The following AKAP6 variants were observed in gnomAD, a reference collection of about 807,000 sequenced individuals.
AKAP6 encodes the protein A-kinase anchoring protein 6, also known as A-kinase anchor protein 6.
A neutral mutation model predicts 188.5 loss-of-function variants in AKAP6; 58 were observed. The observed-to-expected ratio is 0.31, with a 90% CI of 0.25 to 0.38. The LOEUF is 0.38. Among genes scored for constraint, AKAP6 ranks in the 10% least tolerant of loss-of-function variants. The pLI is 1.00. For synonymous variants in AKAP6, 989 were observed against 998.6 expected, an observed-to-expected ratio of 0.99 and a Z score of 0.18; for missense variants, 2,710 against 2,740.0, an observed-to-expected ratio of 0.99 and a Z score of 0.24.
At chr14:32,660,476 A>G (rs1888640962) in intron 7 of AKAP6, among the ~76,000 whole-genome samples, 1 of 152,116 alleles carries the variant, frequency 6.6e-6, no homozygotes, top group South Asian at 2.1e-4. Flanking sequence ...CCTGGAAAGA[A>G]ACTTCAATGT....
Position 32,821,412 on chromosome 14 carries a change from A to G in AKAP6, c.3599A>G (p.Asn1200Ser), listed in dbSNP as rs2034514399. 3.1e-6 allele frequency: 5 copies of G among 1,603,034 alleles called. No individual in the cohort carries two copies. In the African/African-American group the frequency reaches 6.7e-5, roughly 22 times the overall value. Residue 1200 changes from asparagine (N) to serine (S), a missense_variant, in exon 13 of 14, where the codon AAT becomes AGT. Around this residue, in one of 2 missense-constraint regions of AKAP6, gnomAD observed 2,473 missense variants for 2,426.1 expected, o/e 1.02. Transcript: ENST00000280979. ...CTTTCTCTCACACAGGAGACTTTGA[A>G]TGTGATTGATCCTGGCTTGATGGAC... ...KKMGKESETL[N>S]VIDPGLMDLN...
At chr14:32,611,731 G>A (rs1886359695) in intron 7 of AKAP6, among the ~76,000 whole-genome samples, 1 of 152,126 alleles carries the variant, frequency 6.6e-6, no homozygotes, top group South Asian at 2.1e-4. Flanking sequence ...TGGTATTATA[G>A]CAGGTCAAAG....
At chr14:32,593,101 G>T (rs1885557653) in intron 5 of AKAP6, among the ~76,000 whole-genome samples, 1 of 149,172 alleles carries the variant, frequency 6.7e-6, no homozygotes, top group South Asian at 2.1e-4. Context: ...TGTCTATCTT[G>T]TTTATAGCCA....
At chr14:32,374,436 G>T (rs1391417828) in intron 1 of AKAP6, among the ~76,000 whole-genome samples, 5 of 152,166 alleles carry the variant, frequency 3.3e-5, no homozygotes, top group African/African-American at 1.2e-4. Flanking sequence ...AAGATAGAAG[G>T]ATGACAAAGG....
intron 1 of AKAP6, among the ~76,000 whole-genome samples, chr14:32,335,220 CTG>C (rs1886651745): frequency 6.6e-6 from 1 of 152,128 alleles, no homozygotes; most frequent in South Asian, 2.1e-4. Flanking sequence ...GGTGTGCAAC[CTG>C]TGTAGTTGCA....
chr14:32,634,689 G>A (rs1353274608), intron 7 of AKAP6, among the ~76,000 whole-genome samples: 1 of 151,932 alleles, frequency 6.6e-6, no homozygotes, highest in Non-Finnish European at 1.5e-5. Flanking sequence ...TGCAGTCAGT[G>A]CAGAAATGGC....
intron 3 of AKAP6, among the ~76,000 whole-genome samples, chr14:32,537,229 C>T (rs1161146005): frequency 6.6e-6 from 1 of 152,186 alleles, no homozygotes; most frequent in Non-Finnish European, 1.5e-5. Flanking sequence ...CTAGGCTTAC[C>T]TCTAACTTTA....
chr14:32,630,145 G>T (rs1384827114), intron 7 of AKAP6, among the ~76,000 whole-genome samples: 1 of 152,008 alleles, frequency 6.6e-6, no homozygotes, highest in Non-Finnish European at 1.5e-5. Context: ...CATTAAATAA[G>T]TTGTCACAAT....
At position 32,792,070 on chromosome 14, in the gene AKAP6, G is replaced by C. The variant is rs181199652; in HGVS notation, c.3588+18177G>C. ...CAGGTAGCATGATGCCTCTAGCTTT[G>C]TTCTTTTTGCTTAGGATTGTCTGGA... On this transcript the variant is annotated intron_variant, in intron 12 of 13. Coordinates refer to ENST00000280979, the MANE Select transcript of AKAP6 (RefSeq NM_004274.5). Among the ~76,000 whole-genome samples, 44 of 152,218 alleles carry C rather than the reference G, an allele frequency of 2.9e-4. No individual in the cohort carries two copies. The East Asian group carries it at 6.0e-3, about 21-fold the overall frequency.
intron 4 of AKAP6, among the ~76,000 whole-genome samples, chr14:32,550,630 A>G (rs917305435): frequency 2.6e-5 from 4 of 152,216 alleles, no homozygotes; most frequent in Non-Finnish European, 1.5e-5. Flanking sequence ...CTTGGCTATC[A>G]CACTCTAGCT....
At chr14:32,693,135 G>T (rs938259327) in intron 8 of AKAP6, among the ~76,000 whole-genome samples, 2 of 152,126 alleles carry the variant, frequency 1.3e-5, no homozygotes, top group African/African-American at 4.8e-5. Context: ...GTACAGTCTG[G>T]CTGGGCTTAT....
chr14:32,675,572 G>T (rs923832263), intron 7 of AKAP6, among the ~76,000 whole-genome samples: 1 of 152,148 alleles, frequency 6.6e-6, no homozygotes, highest in Non-Finnish European at 1.5e-5. Context: ...GACTGGCAAA[G>T]CCATTCAACC....
At chr14:32,780,540 T>C (rs1292120232) in intron 12 of AKAP6, among the ~76,000 whole-genome samples, 1 of 152,186 alleles carries the variant, frequency 6.6e-6, no homozygotes, top group Non-Finnish European at 1.5e-5. Flanking sequence ...AATATATACA[T>C]TTAAAAATCA....
intron 7 of AKAP6, among the ~76,000 whole-genome samples, chr14:32,672,553 A>G (rs1042879564): frequency 1.4e-4 from 22 of 152,118 alleles, no homozygotes; most frequent in African/African-American, 5.1e-4. Context: ...TTACAAGGAC[A>G]CCAATTCTAT....
intron 5 of AKAP6, among the ~76,000 whole-genome samples, chr14:32,580,727 C>T (rs1207634046): frequency 6.6e-6 from 1 of 152,028 alleles, no homozygotes. Flanking sequence ...CAACAGTCCC[C>T]AGTGTGTGAT....
At chr14:32,819,251 C>A (rs1293680048) in intron 12 of AKAP6, among the ~76,000 whole-genome samples, 1 of 152,124 alleles carries the variant, frequency 6.6e-6, no homozygotes, top group East Asian at 1.9e-4. Context: ...CTTAAGTAGG[C>A]TATACAGATA....
At chr14:32,650,390 A>T (rs1427701213) in intron 7 of AKAP6, among the ~76,000 whole-genome samples, 1 of 152,088 alleles carries the variant, frequency 6.6e-6, no homozygotes, top group Non-Finnish European at 1.5e-5. Flanking sequence ...GGGCGGGCGG[A>T]TTGCTTGAGG....
At chr14:32,492,776 G>T (rs561175812) in intron 2 of AKAP6, among the ~76,000 whole-genome samples, 1 of 152,156 alleles carries the variant, frequency 6.6e-6, no homozygotes, top group South Asian at 2.1e-4. Context: ...TAACTCCTAA[G>T]AGATATTCCA....
In AKAP6 at chr14:32,823,719, A is replaced by G. The variant is rs1156388650; in HGVS notation, c.5906A>G (p.His1969Arg). The change falls in exon 13 of 14, where the codon CAT becomes CGT. Residue 1969 changes from histidine to arginine, a missense_variant. By Grantham distance (29) the His-to-Arg change is conservative. Transcript: ENST00000280979. ...CCAAAGAAATGTCCAAATCACCACC[A>G]TTTTGAAAATCAAAGCACTGCCTCT... ...HLPKKCPNHH[H>R]FENQSTASTP... The G allele has an allele frequency of 6.2e-7, 1 of 1,613,736 alleles. No homozygotes were observed. The highest frequency in any genetic ancestry group is 1.1e-5 in the South Asian group (1 of 91,078).
Sources: allele counts gnomAD v4.1 joint callset (sites outside exome capture counted in the v4.1 genomes callset), GRCh38; gene constraint gnomAD v4.1.1; regional missense constraint gnomAD v4.1.1; transcripts MANE v1.5; gene names NCBI Gene and HGNC (gene_info 2026-07-23, HGNC 2026-07-21).